LEMD3: variants seen among roughly 807,000 people sequenced by gnomAD.
LEMD3 encodes the protein LEM domain containing 3.
Under a neutral mutation model 95.2 loss-of-function variants are expected in LEMD3, and 33 were observed. The ratio of observed to expected loss-of-function variants is 0.35; its 90% CI spans 0.26 to 0.46. The LOEUF is 0.46. Ranked by LOEUF, LEMD3 falls within the 20% of genes least tolerant of loss-of-function variation. LEMD3 has a pLI of 1.00. For missense variants in LEMD3, 1,210 were observed against 1,192.8 expected (o/e 1.01, Z -0.21); for synonymous variants, 525 against 474.6 (o/e 1.11, Z -1.38).
chr12:65,218,734 C>T, intron 4 of LEMD3, 115 bp downstream of exon 4: 1 of 636,162 alleles, frequency 1.6e-6, no homozygotes, highest in South Asian at 1.8e-5. Context: ...AAGCTTGGGC[C>T]TGCTGTTTGG....
chr12:65,202,735 T>C (rs902083918), intron 1 of LEMD3, among the ~76,000 whole-genome samples: 1 of 152,212 alleles, frequency 6.6e-6, no homozygotes, highest in Admixed American at 6.5e-5. Context: ...GTTTCTTTAA[T>C]AGGTATAGTC....
chr12:65,190,518 T>G (rs1869207120), intron 1 of LEMD3, among the ~76,000 whole-genome samples: 1 of 152,146 alleles, frequency 6.6e-6, no homozygotes. Context: ...TCATAACTCT[T>G]TCAACCAATT....
intron 1 of LEMD3, among the ~76,000 whole-genome samples, chr12:65,173,443 G>A (rs910684014): frequency 6.6e-6 from 1 of 152,118 alleles, no homozygotes; most frequent in Non-Finnish European, 1.5e-5. Flanking sequence ...AAGTAATCTG[G>A]GCGTTGGAAA....
At chr12:65,241,163 G>C in intron 9 of LEMD3, 76 bp downstream of exon 9, 1 of 1,288,856 alleles carries the variant, frequency 7.8e-7, no homozygotes, top group Non-Finnish European at 1.1e-6. Context: ...AAGTGAAACA[G>C]TACAATTCAA....
chr12:65,225,350 CTT>C (rs1870415213), intron 4 of LEMD3, among the ~76,000 whole-genome samples: 1 of 152,124 alleles, frequency 6.6e-6, no homozygotes, highest in South Asian at 2.1e-4. Context: ...CCTTTGTAGA[CTT>C]TGTGTGGGGA....
intron 1 of LEMD3, among the ~76,000 whole-genome samples, chr12:65,195,275 C>T (rs74101721): frequency 5.3e-5 from 8 of 151,586 alleles, no homozygotes; most frequent in Admixed American, 1.3e-4. Flanking sequence ...ATCCGGATGT[C>T]GAAAAATATC....
At chr12:65,206,879 G>A (rs1251422183) in intron 1 of LEMD3, among the ~76,000 whole-genome samples, 2 of 151,960 alleles carry the variant, frequency 1.3e-5, no homozygotes, top group African/African-American at 4.8e-5. Flanking sequence ...AAGTTTTAGA[G>A]CATGCTTTCT....
At chr12:65,230,853 A>G (rs181325971) in intron 4 of LEMD3, among the ~76,000 whole-genome samples, 45 of 152,294 alleles carry the variant, frequency 3.0e-4, no homozygotes, top group Admixed American at 6.5e-4. Context: ...GAAAGCTTTC[A>G]GCTTTTTCTC....
chr12:65,239,814 A>G (rs1463399981), intron 6 of LEMD3, 115 bp from the exon 7 acceptor site: 2 of 693,700 alleles, frequency 2.9e-6, no homozygotes, highest in African/African-American at 3.6e-5. Context: ...TATATAGCTA[A>G]TTCAGCCATC....
intron 1 of LEMD3, among the ~76,000 whole-genome samples, chr12:65,180,548 C>T (rs1184520336): frequency 6.6e-6 from 1 of 151,892 alleles, no homozygotes; most frequent in Non-Finnish European, 1.5e-5. Context: ...CAGAGGTAAT[C>T]TCTAAAAATA....
intron 1 of LEMD3, among the ~76,000 whole-genome samples, chr12:65,188,807 A>G (rs74101716): frequency 0.037 from 5,602 of 152,110 alleles, 348 homozygotes; most frequent in African/African-American, 0.13. Flanking sequence ...TGTTCATCTT[A>G]TTTTTGTTGC....
chr12:65,182,422 A>G (rs1407927376), intron 1 of LEMD3, among the ~76,000 whole-genome samples: 1 of 152,166 alleles, frequency 6.6e-6, no homozygotes, highest in Non-Finnish European at 1.5e-5. Flanking sequence ...CTTAACAGCT[A>G]TAGTAGTTTA....
In LEMD3 at chr12:65,218,533, A is replaced by T; in HGVS notation, c.1628-19A>T. ...AAGAGAGTACTGATTCAAAATTAATAATATGCTAATCTTTCCAGGAGATCA... is the reference window on the plus strand; with the variant it reads ...AAGAGAGTACTGATTCAAAATTAATTATATGCTAATCTTTCCAGGAGATCA... On this transcript the variant is annotated intron_variant, in intron 3 of 12. Transcript: ENST00000308330. The T allele has an allele frequency of 6.5e-7, 1 of 1,549,498 alleles. No homozygotes were observed. Among genetic ancestry groups the T allele is most frequent in the Non-Finnish European group, 8.9e-7 (1 of 1,125,294 alleles).
chr12:65,235,222 C>G (rs1870739877), intron 4 of LEMD3, among the ~76,000 whole-genome samples: 1 of 152,044 alleles, frequency 6.6e-6, no homozygotes, highest in African/African-American at 2.4e-5. Flanking sequence ...ATAATGTTGT[C>G]TTCAGCTACA....
At chr12:65,230,666 T>C (rs778295866) in intron 4 of LEMD3, among the ~76,000 whole-genome samples, 24 of 152,200 alleles carry the variant, frequency 1.6e-4, no homozygotes, top group Non-Finnish European at 3.5e-4. Context: ...GGTGGAACTT[T>C]TAGAGTGTTC....
chr12:65,233,898 G>A (rs1194059907), intron 4 of LEMD3, among the ~76,000 whole-genome samples: 3 of 152,108 alleles, frequency 2.0e-5, no homozygotes, highest in African/African-American at 7.2e-5. Flanking sequence ...GGGGGTATGC[G>A]TGAGTACACA....
chr12:65,224,843 C>A (rs973211979), intron 4 of LEMD3, among the ~76,000 whole-genome samples: 24 of 152,018 alleles, frequency 1.6e-4, no homozygotes, highest in Admixed American at 1.0e-3. Context: ...CTGTTTCTTT[C>A]TTCTCTTTCT....
At chr12:65,184,417 A>G (rs1868997211) in intron 1 of LEMD3, among the ~76,000 whole-genome samples, 1 of 152,180 alleles carries the variant, frequency 6.6e-6, no homozygotes, top group Non-Finnish European at 1.5e-5. Flanking sequence ...TAGCACTAAT[A>G]TACTGTTGGT....
In LEMD3 at chr12:65,246,713, G is replaced by C. The variant is rs1334677068; in HGVS notation, c.*388G>C. 8.7e-6 allele frequency: 2 copies of C among 229,568 alleles called. No individual in the cohort carries two copies. The highest frequency in any genetic ancestry group is 1.7e-5 in the Non-Finnish European group (2 of 115,862). The allele number at this position is 229,568 out of a possible 1,614,324, so 14.2% of individuals were successfully genotyped here. ...TTGTGAACTAATGTTGTGAATTTTT[G>C]TATACAGTCACCTGCATAGTTCCTA... On this transcript the variant is annotated 3_prime_UTR_variant, in exon 13 of 13. Transcript: ENST00000308330.
Sources: gnomAD v4.1 joint callset for allele counts (sites outside exome capture counted in the v4.1 genomes callset) on GRCh38, gnomAD v4.1.1 for gene constraint, MANE v1.5 for transcripts, NCBI Gene and HGNC (gene_info 2026-07-23, HGNC 2026-07-21) for gene names.